Variants in SSBP4 observed in about 807,000 individuals in gnomAD.
SSBP4 encodes the protein single stranded DNA binding protein 4, also known as single-stranded DNA-binding protein 4.
A neutral mutation model predicts 64.6 loss-of-function variants in SSBP4; 33 were observed. That is an observed-to-expected ratio of 0.51 (90% confidence interval 0.39 to 0.68). The LOEUF is 0.68. Ranked by LOEUF, SSBP4 falls within the 30% of genes least tolerant of loss-of-function variation. SSBP4 has a pLI of 0.00. For missense variants in SSBP4, 583 were observed against 566.8 expected (o/e 1.03, Z -0.29); for synonymous variants, 243 against 224.0 (o/e 1.08, Z -0.76).
intron 1 of SSBP4, chr19:18,425,846 C>G (rs888009542): frequency 1.3e-5 from 2 of 152,440 alleles, no homozygotes; most frequent in African/African-American, 4.8e-5. Flanking sequence ...TGTCACCCCC[C>G]CACTTGCCTT....
the SSBP4 span, among the ~76,000 whole-genome samples, chr19:18,407,648 G>A: frequency 1.3e-5 from 2 of 151,202 alleles, no homozygotes; most frequent in Non-Finnish European, 2.9e-5. Flanking sequence ...AGCCAGGATG[G>A]TCTCGATCTC....
chr19:18,429,256 C>T (rs1356213287), intron 4 of SSBP4, among the ~76,000 whole-genome samples: 1 of 149,172 alleles, frequency 6.7e-6, no homozygotes, highest in Non-Finnish European at 1.5e-5. Flanking sequence ...GCGGGGGGGG[C>T]TCTGTTCGCC....
In SSBP4 at chr19:18,434,371, G is replaced by A. The variant is rs1276891937; in HGVS notation, c.*125G>A. ...TGGCCAATCAAGGCTTGCCCAGCTG[G>A]GAGGCCCCACACGAAAGACTCTTAC... On this transcript the variant is annotated 3_prime_UTR_variant, in exon 18 of 18. Coordinates refer to ENST00000270061, the MANE Select transcript of SSBP4 (RefSeq NM_032627.5). The A allele has an allele frequency of 1.4e-6, 2 of 1,475,322 alleles. No individual in the cohort carries two copies. The highest frequency in any genetic ancestry group is 1.8e-6 in the Non-Finnish European group (2 of 1,114,830). The allele number at this position is 1,475,322 out of a possible 1,614,324, so 91.4% of individuals were successfully genotyped here. A position where few individuals can be genotyped will look rare whatever the true frequency, so the allele number is the denominator to read the frequency against.
At chr19:18,434,051 A>T (rs914727939) in intron 17 of SSBP4, 166 bp from the exon 18 acceptor site, 560 of 977,670 alleles carry the variant, frequency 5.7e-4, no homozygotes, top group Admixed American at 7.8e-4. Context: ...CCCGCGCCCC[A>T]GGGCGGCCTT....
At chr19:18,433,546 C>T in intron 15 of SSBP4, 39 bp from the exon 16 acceptor site, 2 of 1,546,378 alleles carry the variant, frequency 1.3e-6, no homozygotes, top group African/African-American at 1.4e-5. Context: ...ATGGCGCCAG[C>T]ACGTCTGAGC....
chr19:18,434,356 A>G lies in SSBP4; in HGVS notation c.*110A>G. ...GGGCACCTGGACTCCTGGCCAATCA[A>G]GGCTTGCCCAGCTGGGAGGCCCCAC... On this transcript the variant is annotated 3_prime_UTR_variant, in exon 18 of 18. Coordinates refer to ENST00000270061, the MANE Select transcript of SSBP4 (RefSeq NM_032627.5). The G allele has an allele frequency of 8.0e-6, 12 of 1,505,780 alleles. No homozygotes were observed. The highest frequency in any genetic ancestry group is 1.4e-5 in the African/African-American group (1 of 70,532). The allele number at this position is 1,505,780 out of a possible 1,614,324, so 93.3% of individuals were successfully genotyped here. A position where few individuals can be genotyped will look rare whatever the true frequency, so the allele number is the denominator to read the frequency against.
chr19:18,433,267 C>G, intron 15 of SSBP4, 54 bp downstream of exon 15: 1 of 1,528,926 alleles, frequency 6.5e-7, no homozygotes, highest in Non-Finnish European at 8.8e-7. Flanking sequence ...CGTGCGCTCC[C>G]TGGCTGCTTC....
At chr19:18,406,540 C>T in the SSBP4 span, among the ~76,000 whole-genome samples, 4 of 151,918 alleles carry the variant, frequency 2.6e-5, no homozygotes, top group South Asian at 2.1e-4. Flanking sequence ...CCCAGCTACT[C>T]GGGAGGCTGA....
intron 1 of SSBP4, among the ~76,000 whole-genome samples, chr19:18,422,506 GA>G (rs1258112274): frequency 6.6e-6 from 1 of 152,230 alleles, no homozygotes; most frequent in Non-Finnish European, 1.5e-5. Context: ...AGAAAGCCTG[GA>G]AAACGCCAGA....
At chr19:18,418,281 AAC>A (rs1972209198), upstream of SSBP4, among the ~76,000 whole-genome samples, 3 of 152,220 alleles carry the variant, frequency 2.0e-5, no homozygotes, top group South Asian at 4.1e-4. This position sits in a 1 kb window ranked among gnomAD's most constrained non-coding sequence, Gnocchi z 6.7. Context: ...AGCCGTGGCA[AAC>A]ACAGAAACAT....
upstream of SSBP4, among the ~76,000 whole-genome samples, chr19:18,415,289 C>T (rs998030181): frequency 6.6e-6 from 1 of 152,214 alleles, no homozygotes; most frequent in African/African-American, 2.4e-5. Context: ...AGTCCTGGCC[C>T]CTCCCAGGGC....
intron 1 of SSBP4, 38 bp downstream of exon 1, chr19:18,419,745 C>G (rs1600277963): frequency 8.9e-7 from 1 of 1,127,020 alleles, no homozygotes; most frequent in Non-Finnish European, 1.1e-6. Flanking sequence ...GGCGTCCGCG[C>G]TCTTCCGTGG....
At chr19:18,425,632 G>C (rs1269800011) in intron 1 of SSBP4, among the ~76,000 whole-genome samples, 1 of 152,160 alleles carries the variant, frequency 6.6e-6, no homozygotes, top group Non-Finnish European at 1.5e-5. Context: ...AGGAAGAGCA[G>C]GTGTGGGAGA....
chr19:18,433,184 T>C lies in SSBP4; in HGVS notation c.962T>C (p.Met321Thr), dbSNP rs1973605255. Residue 321 changes from methionine (M) to threonine (T), a missense_variant, in exon 15 of 18, where the codon ATG (methionine) becomes ACG (threonine). Transcript: ENST00000270061. ...PEGPMAAMSA[M>T]EPHHVNGSLG... is the part of the protein sequence containing the mutation. ...GGCCCCATGGCCGCCATGAGCGCGA[T>C]GGAGCCTCACCACGTGAACGGATCC... 1.3e-6 allele frequency: 2 copies of C among 1,585,484 alleles called. No homozygotes were observed. The highest frequency in any genetic ancestry group is 8.6e-7 in the Non-Finnish European group (1 of 1,166,642).
the SSBP4 span, among the ~76,000 whole-genome samples, chr19:18,408,171 G>A: frequency 6.6e-6 from 1 of 152,224 alleles, no homozygotes; most frequent in Non-Finnish European, 1.5e-5. Flanking sequence ...GCATTTCTTG[G>A]CTGACAGTGA....
the SSBP4 span, among the ~76,000 whole-genome samples, chr19:18,406,407 C>G: frequency 1.3e-5 from 2 of 151,888 alleles, no homozygotes; most frequent in African/African-American, 4.8e-5. Context: ...TCTCAAACTC[C>G]TGGCCTCAAA....
chr19:18,431,203 ACTGGTGCCTGAGTCCTGCC>A lies in SSBP4; in HGVS notation c.370-147_370-129del. The A allele has an allele frequency of 1.5e-4, 37 of 244,154 alleles. 8 individuals carry two copies. The highest frequency in any genetic ancestry group is 4.4e-4 in the South Asian group (7 of 16,078). The allele number at this position is 244,154 out of a possible 1,614,324, so 15.1% of individuals were successfully genotyped here. On this transcript the variant is annotated intron_variant, in intron 5 of 17. Transcript: ENST00000270061. The stretch of plus-strand genomic sequence containing the variant: ...AGTAGCCACAGTGGTCCTGGTGACC[ACTGGTGCCTGAGTCCTGCC>A]CTCAAGCCTTCCCACAAGGTCCCTG...
intron 1 of SSBP4, among the ~76,000 whole-genome samples, chr19:18,425,249 G>T (rs185569353): frequency 6.6e-6 from 1 of 152,082 alleles, no homozygotes. Context: ...CCGTGCCCTG[G>T]GTGTGGGGTA....
At position 18,430,919 on chromosome 19, in the gene SSBP4, G is replaced by A; in HGVS notation, c.358G>A (p.Gly120Ser). Reference protein sequence around the residue: ...DTMAAGSMAAGFFQGPPGSQP... With the variant: ...DTMAAGSMAASFFQGPPGSQP... ...AATGGCCGCAGGCTCCATGGCGGCT[G>A]GCTTCTTCCAGGTATGGCCCCGGCT... The change falls in exon 5 of 18, where the codon GGC becomes AGC. Residue 120 changes from glycine (G) to serine (S), a missense_variant. Around this residue, in one of 5 missense-constraint regions of SSBP4, gnomAD observed 444 missense variants for 386.6 expected, o/e 1.15. Coordinates refer to ENST00000270061, the MANE Select transcript of SSBP4 (RefSeq NM_032627.5). 1 of 1,612,542 alleles carries A rather than the reference G, an allele frequency of 6.2e-7. No homozygotes were observed. Among genetic ancestry groups the A allele is most frequent in the Non-Finnish European group, 8.5e-7 (1 of 1,179,858 alleles).
Sources: allele counts gnomAD v4.1 joint callset (sites outside exome capture counted in the v4.1 genomes callset), GRCh38; gene constraint gnomAD v4.1.1; regional missense constraint gnomAD v4.1.1; non-coding constraint Gnocchi (gnomAD v3.1); transcripts MANE v1.5; gene names NCBI Gene and HGNC (gene_info 2026-07-23, HGNC 2026-07-21).